Variants in SPAST observed in about 807,000 individuals in gnomAD.
SPAST encodes the protein spastic paraplegia 4 (autosomal dominant; spastin).
SPAST carries 30 observed loss-of-function variants against 76.6 expected under a neutral mutation model. The ratio of observed to expected loss-of-function variants is 0.39; its 90% CI spans 0.29 to 0.53. The LOEUF is 0.53. Ranked by LOEUF, SPAST falls within the 20% of genes least tolerant of loss-of-function variation. The pLI is 0.68. For synonymous variants in SPAST, 305 were observed against 281.0 expected (o/e 1.09, Z -0.86); for missense variants, 717 against 770.5 (o/e 0.93, Z 0.82).
intron 6 of SPAST, 67 bp downstream of exon 6, chr2:32,115,902 T>C: frequency 7.7e-7 from 1 of 1,295,740 alleles, no homozygotes; most frequent in Non-Finnish European, 1.1e-6. Context: ...ATAAAACATG[T>C]CAGGAGTGAA....
rs776292987 is a variant in SPAST, at chr2:32,128,525, A to T, written c.1245+46A>T. 2.5e-6 allele frequency: 3 copies of T among 1,212,110 alleles called. No homozygotes were observed. In the East Asian group the frequency reaches 7.0e-5, roughly 28 times the overall value. The allele number at this position is 1,212,110 out of a possible 1,614,324, so 75.1% of individuals were successfully genotyped here. On this transcript the variant is annotated intron_variant, in intron 9 of 16. Coordinates refer to ENST00000315285, the MANE Select transcript of SPAST (RefSeq NM_014946.4). Reference sequence around the variant, plus strand: ...ATTGTCGTATTTTAAGTTACTGTCTAAATGTTACTGTGTTAACTGTAAATG... The same window carrying T: ...ATTGTCGTATTTTAAGTTACTGTCTTAATGTTACTGTGTTAACTGTAAATG...
intron 9 of SPAST, among the ~76,000 whole-genome samples, chr2:32,131,850 C>T (rs1437324211): frequency 2.6e-5 from 4 of 151,562 alleles, no homozygotes; most frequent in Non-Finnish European, 1.5e-5. Flanking sequence ...TTAGTAGAGA[C>T]GGGGTTTCAC....
At chr2:32,064,310 A>T in intron 1 of SPAST, 64 bp downstream of exon 1, 4 of 909,716 alleles carry the variant, frequency 4.4e-6, no homozygotes, top group Admixed American at 2.1e-5. Context: ...TCGCCGGGGG[A>T]GGGCAACACC....
chr2:32,106,044 C>T (rs558906469), intron 4 of SPAST, among the ~76,000 whole-genome samples: 68 of 152,280 alleles, frequency 4.5e-4, no homozygotes, highest in African/African-American at 1.6e-3. Context: ...GTTCAGCTAT[C>T]CCATGTCCCC....
intron 16 of SPAST, among the ~76,000 whole-genome samples, chr2:32,147,758 A>G (rs1245685706): frequency 6.6e-6 from 1 of 151,572 alleles, no homozygotes; most frequent in Non-Finnish European, 1.5e-5. Context: ...CAGCCTCCCT[A>G]GTAGCTGGGA....
In SPAST at chr2:32,098,923, A is replaced by C. The variant is rs748004118; in HGVS notation, c.682+32A>C. The C allele has an allele frequency of 5.8e-6, 8 of 1,383,730 alleles. No homozygotes were observed. The South Asian group carries it at 9.3e-5, about 16-fold the overall frequency. The allele number at this position is 1,383,730 out of a possible 1,614,324, so 85.7% of individuals were successfully genotyped here. On this transcript the variant is annotated intron_variant, in intron 4 of 16. Coordinates refer to ENST00000315285, the MANE Select transcript of SPAST (RefSeq NM_014946.4). Reference sequence around the variant, plus strand: ...TTAGGTTAACTAACATAAAATAATAAAGCTTGCATGCAAAGTAAGAGTCTT... The same window carrying C: ...TTAGGTTAACTAACATAAAATAATACAGCTTGCATGCAAAGTAAGAGTCTT...
chr2:32,067,906 A>G (rs986513808), intron 1 of SPAST, among the ~76,000 whole-genome samples: 3 of 150,348 alleles, frequency 2.0e-5, no homozygotes, highest in Non-Finnish European at 4.4e-5. Context: ...TGCGTAATGC[A>G]TATTTCATAC....
At chr2:32,100,727 T>TG (rs753073944) in intron 4 of SPAST, among the ~76,000 whole-genome samples, 14 of 152,168 alleles carry the variant, frequency 9.2e-5, no homozygotes, top group Non-Finnish European at 1.8e-4. Flanking sequence ...TTTCTGTCCT[T>TG]GCGATAGTTT....
chr2:32,077,050 AT>A (rs1676990183), intron 1 of SPAST, among the ~76,000 whole-genome samples: 1 of 151,830 alleles, frequency 6.6e-6, no homozygotes, highest in Non-Finnish European at 1.5e-5. Context: ...TAATTTTTGT[AT>A]TTTTAGTAGA....
chr2:32,073,278 C>T (rs1676823778), intron 1 of SPAST, among the ~76,000 whole-genome samples: 1 of 152,158 alleles, frequency 6.6e-6, no homozygotes, highest in African/African-American at 2.4e-5. Context: ...AGTGATCTGC[C>T]TGTGTTGGCC....
intron 7 of SPAST, among the ~76,000 whole-genome samples, chr2:32,121,419 G>A (rs1338522000): frequency 6.6e-6 from 1 of 151,982 alleles, no homozygotes; most frequent in Non-Finnish European, 1.5e-5. Context: ...GGGATTAGAG[G>A]CATGAGCCAC....
At chr2:32,138,287 T>A (rs1181521551) in intron 12 of SPAST, among the ~76,000 whole-genome samples, 1 of 152,190 alleles carries the variant, frequency 6.6e-6, no homozygotes, top group Non-Finnish European at 1.5e-5. Flanking sequence ...GTACATACGC[T>A]CCACAACCTC....
intron 4 of SPAST, among the ~76,000 whole-genome samples, chr2:32,112,346 C>CTT (rs11434154): frequency 0.013 from 1,690 of 132,904 alleles, 54 homozygotes; most frequent in African/African-American, 0.043. Context: ...CTGAATGTGG[C>CTT]TTTTTTTTTT....
intron 1 of SPAST, among the ~76,000 whole-genome samples, chr2:32,074,802 T>C (rs1040351982): frequency 1.3e-5 from 2 of 152,092 alleles, no homozygotes; most frequent in Non-Finnish European, 2.9e-5. Context: ...TCACTGCACC[T>C]GGCCTGTTTC....
At chr2:32,089,271 C>T (rs958658179) in intron 2 of SPAST, among the ~76,000 whole-genome samples, 6 of 143,240 alleles carry the variant, frequency 4.2e-5, no homozygotes, top group Non-Finnish European at 9.0e-5. Context: ...AACTCCTGGG[C>T]TCAAGTGATT....
chr2:32,153,688 T>C (rs899578880), intron 16 of SPAST, among the ~76,000 whole-genome samples: 1 of 152,196 alleles, frequency 6.6e-6, no homozygotes, highest in Non-Finnish European at 1.5e-5. Flanking sequence ...AATACTTAGG[T>C]GTAAATATAG....
chr2:32,113,201 C>A (rs561923500), intron 4 of SPAST, among the ~76,000 whole-genome samples: 4 of 151,004 alleles, frequency 2.6e-5, no homozygotes, highest in South Asian at 2.1e-4. Flanking sequence ...GATCAGGGCT[C>A]ACTGCAATCG....
intron 1 of SPAST, among the ~76,000 whole-genome samples, chr2:32,068,558 A>G (rs1025310799): frequency 6.6e-6 from 1 of 151,770 alleles, no homozygotes; most frequent in African/African-American, 2.4e-5. Context: ...TCCTGGCCTC[A>G]AGTGATCCAC....
At position 32,154,619 on chromosome 2, in the gene SPAST, T is replaced by G. The variant is rs1244580605; in HGVS notation, c.*123T>G. ...AGGACTTTTTAGAGTCTTACATATTTGTGCACCAAACTTGAAGATGAACCA... is the reference window on the plus strand; with the variant it reads ...AGGACTTTTTAGAGTCTTACATATTGGTGCACCAAACTTGAAGATGAACCA... On this transcript the variant is annotated 3_prime_UTR_variant, in exon 17 of 17. Transcript: ENST00000315285. 5 of 947,678 alleles carry G rather than the reference T, an allele frequency of 5.3e-6. No homozygotes were observed. Among genetic ancestry groups the G allele is most frequent in the African/African-American group, 1.6e-5 (1 of 60,718 alleles). 58.7% of individuals were successfully genotyped at this position (947,678 alleles called of 1,614,324 possible).
Sources: gnomAD v4.1 joint callset for allele counts (sites outside exome capture counted in the v4.1 genomes callset) on GRCh38, gnomAD v4.1.1 for gene constraint, MANE v1.5 for transcripts, NCBI Gene and HGNC (gene_info 2026-07-23, HGNC 2026-07-21) for gene names.